Variants in MAGI2 observed in about 807,000 individuals in gnomAD.
MAGI2 encodes the protein membrane associated guanylate kinase, WW and PDZ domain containing 2.
A neutral mutation model predicts 133.3 loss-of-function variants in MAGI2; 35 were observed. The observed-to-expected ratio is 0.26, with a 90% CI of 0.20 to 0.35. The LOEUF (loss-of-function observed/expected upper bound fraction) is 0.35. MAGI2 is among the 10% of genes least tolerant of loss of function. The probability of loss-of-function intolerance (pLI) is 1.00; values close to 1 mark genes in which losing one functional copy is unlikely to be tolerated. For missense variants in MAGI2, 1,636 were observed against 1,863.4 expected, an observed-to-expected ratio of 0.88 and a Z score of 2.25; for synonymous variants, 729 against 710.6, an observed-to-expected ratio of 1.03 and a Z score of -0.41.
At chr7:78,532,358 A>C (rs1584520994) in intron 3 of MAGI2, among the ~76,000 whole-genome samples, 1 of 152,230 alleles carries the variant, frequency 6.6e-6, no homozygotes, top group Non-Finnish European at 1.5e-5. Context: ...CATAATGTGG[A>C]AAACTGTCAT....
intron 1 of MAGI2, among the ~76,000 whole-genome samples, chr7:79,291,317 G>C (rs188522785): frequency 1.2e-4 from 18 of 152,062 alleles, no homozygotes; most frequent in Admixed American, 1.2e-3. Context: ...TTCATCCATT[G>C]ATGGACATTT....
chr7:78,325,948 T>TC (rs1012304258), intron 9 of MAGI2, among the ~76,000 whole-genome samples: 13 of 152,350 alleles, frequency 8.5e-5, no homozygotes, highest in Admixed American at 8.5e-4. Flanking sequence ...ATCATGTTGC[T>TC]CCCCTACTTT....
intron 2 of MAGI2, among the ~76,000 whole-genome samples, chr7:78,902,113 AGTT>A (rs1273028099): frequency 5.3e-5 from 8 of 152,296 alleles, no homozygotes; most frequent in African/African-American, 1.7e-4. Flanking sequence ...ACAACTTTAT[AGTT>A]GTTATTTGTA....
intron 3 of MAGI2, among the ~76,000 whole-genome samples, chr7:78,613,218 T>A (rs976642967): frequency 6.6e-6 from 1 of 152,176 alleles, no homozygotes; most frequent in Non-Finnish European, 1.5e-5. Flanking sequence ...CTACACAATC[T>A]TCATTTGAAC....
intron 20 of MAGI2, among the ~76,000 whole-genome samples, chr7:78,100,093 C>T (rs956866335): frequency 6.6e-6 from 1 of 152,112 alleles, no homozygotes; most frequent in Admixed American, 6.6e-5. Flanking sequence ...TGAGACATAC[C>T]TGTTTACAAA....
At chr7:79,417,548 A>G (rs6953613) in intron 1 of MAGI2, among the ~76,000 whole-genome samples, 37,684 of 151,956 alleles carry the variant, frequency 0.25, 6,699 homozygotes, top group African/African-American at 0.51. Flanking sequence ...TCACTTTTCA[A>G]ACACATCTAT....
At chr7:78,085,412 A>G (rs181327094) in intron 20 of MAGI2, among the ~76,000 whole-genome samples, 47 of 151,966 alleles carry the variant, frequency 3.1e-4, no homozygotes, top group Admixed American at 2.6e-3. Flanking sequence ...ATGCCTAGCT[A>G]CTCAGGAGGC....
chr7:78,814,510 A>G (rs1018321135), intron 2 of MAGI2, among the ~76,000 whole-genome samples: 3 of 152,208 alleles, frequency 2.0e-5, no homozygotes, highest in African/African-American at 7.2e-5. Context: ...TCTACCTCAG[A>G]AAGTGACTTA....
intron 1 of MAGI2, among the ~76,000 whole-genome samples, chr7:79,179,200 A>G (rs1378637980): frequency 6.6e-6 from 1 of 151,954 alleles, no homozygotes; most frequent in African/African-American, 2.4e-5. Context: ...CTTTTTTCTG[A>G]AAACACCTAT....
chr7:79,103,575 T>C (rs1185641594), intron 1 of MAGI2, among the ~76,000 whole-genome samples: 1 of 152,204 alleles, frequency 6.6e-6, no homozygotes, highest in Admixed American at 6.5e-5. Context: ...GCAAACTTAG[T>C]TCTTAGTGTT....
intron 2 of MAGI2, among the ~76,000 whole-genome samples, chr7:78,645,311 G>T (rs1810751329): frequency 6.6e-6 from 1 of 151,848 alleles, no homozygotes; most frequent in African/African-American, 2.4e-5. Context: ...CTTCTATAAG[G>T]CCAATATTAC....
intron 1 of MAGI2, among the ~76,000 whole-genome samples, chr7:79,192,672 T>C (rs1220866127): frequency 6.6e-6 from 1 of 151,774 alleles, no homozygotes; most frequent in Non-Finnish European, 1.5e-5. Context: ...GAAGGTTTTT[T>C]TGGGGGTGAG....
chr7:78,899,851 A>C (rs758535787), intron 2 of MAGI2, among the ~76,000 whole-genome samples: 35 of 152,200 alleles, frequency 2.3e-4, no homozygotes, highest in Non-Finnish European at 4.7e-4. Context: ...GCAAAGGTAT[A>C]CATACAGGAA....
chr7:78,573,636 C>G (rs1232214054), intron 3 of MAGI2, among the ~76,000 whole-genome samples: 1 of 150,524 alleles, frequency 6.6e-6, no homozygotes, highest in East Asian at 2.0e-4. Flanking sequence ...TTTTGTCTTT[C>G]GGGTTTGAGA....
At chr7:79,309,151 G>T (rs571959647) in intron 1 of MAGI2, among the ~76,000 whole-genome samples, 1 of 151,778 alleles carries the variant, frequency 6.6e-6, no homozygotes, top group Non-Finnish European at 1.5e-5. Context: ...GACTTTTTAT[G>T]CTGTCTAGCT....
intron 2 of MAGI2, among the ~76,000 whole-genome samples, chr7:78,854,407 A>C (rs1793444016): frequency 6.6e-6 from 1 of 152,140 alleles, no homozygotes; most frequent in Non-Finnish European, 1.5e-5. Context: ...TTTTATAATG[A>C]GTAAGGAAAA....
At chr7:79,290,743 T>C (rs2129558728) in intron 1 of MAGI2, among the ~76,000 whole-genome samples, 1 of 152,224 alleles carries the variant, frequency 6.6e-6, no homozygotes, top group Admixed American at 6.5e-5. Flanking sequence ...TTTGAACTCC[T>C]ACATCCAAAC....
In MAGI2 at chr7:79,224,279, C is replaced by T. The variant is rs140138862; in HGVS notation, c.302-217073G>A. ...TATGCCATCACTGCTTAAAACCCTC[C>T]CTATTGCCTGGAGAATACAATCTGG... is the stretch of plus-strand genomic sequence containing the variant. On this transcript the variant is annotated intron_variant, in intron 1 of 21. Transcript: ENST00000354212. Among the ~76,000 whole-genome samples the T allele has an allele frequency of 1.7e-3, 262 of 152,136 alleles. 1 individual carries two copies. In the Middle Eastern group the frequency reaches 0.02, roughly 12 times the overall value.
At chr7:78,658,762 G>T (rs1309024045) in intron 2 of MAGI2, among the ~76,000 whole-genome samples, 1 of 152,110 alleles carries the variant, frequency 6.6e-6, no homozygotes, top group Non-Finnish European at 1.5e-5. Flanking sequence ...ACCACAATGA[G>T]ATATTACTAT....
Sources: allele counts gnomAD v4.1 joint callset (sites outside exome capture counted in the v4.1 genomes callset), GRCh38; gene constraint gnomAD v4.1.1; transcripts MANE v1.5; gene names NCBI Gene and HGNC (gene_info 2026-07-23, HGNC 2026-07-21).